The following AKAP12 variants were observed in gnomAD, a reference collection of about 807,000 sequenced individuals.
The protein encoded by AKAP12 is A-kinase anchoring protein 12, also known as A-kinase anchor protein 12.
In AKAP12, 32 loss-of-function variants were observed where a neutral mutation model predicts 79.9. That is an observed-to-expected ratio of 0.40 (90% CI 0.30 to 0.54). The LOEUF (loss-of-function observed/expected upper bound fraction) is 0.54. AKAP12 is among the 20% of genes least tolerant of loss of function. The pLI is 0.48. For missense variants in AKAP12, 2,074 were observed against 2,177.0 expected, an observed-to-expected ratio of 0.95 and a Z score of 0.94; for synonymous variants, 808 against 857.0, an observed-to-expected ratio of 0.94 and a Z score of 1.00.
chr6:151,337,524 A>AAAAAAAAAAAAAGAAAG (rs535027217), intron 3 of AKAP12, among the ~76,000 whole-genome samples: 2 of 129,806 alleles, frequency 1.5e-5, no homozygotes, highest in African/African-American at 3.4e-5. Context: ...AAAAAAAAAA[A>AAAAAAAAAAAAAGAAAG]AAAGAAAGAA....
In AKAP12 at chr6:151,256,755, T is replaced by A. The variant is rs184810757; in HGVS notation, c.162+16031T>A. 6.0e-3 allele frequency among the ~76,000 whole-genome samples: 910 copies of A among 152,014 alleles called. 11 individuals are homozygous for A. Among genetic ancestry groups the A allele is most frequent in the African/African-American group, 0.021 (867 of 41,456 alleles). ...ACCTCCACCTCCCAGGTTCAAGAGA[T>A]TCTCCTGCCTCATCCTTTCAAGTAT... On this transcript the variant is annotated intron_variant, in intron 2 of 4. Transcript: ENST00000402676.
At position 151,240,740 on chromosome 6, in the gene AKAP12, G is replaced by C. The variant is rs1215800086; in HGVS notation, c.162+16G>C. 1.0e-6 allele frequency: 1 copy of C among 978,018 alleles called. No individual in the cohort carries two copies. Among genetic ancestry groups the C allele is most frequent in the Non-Finnish European group, 1.2e-6 (1 of 802,654 alleles). The allele number at this position is 978,018 out of a possible 1,614,324, so 60.6% of individuals were successfully genotyped here. A position where few individuals can be genotyped will look rare whatever the true frequency, so the allele number is the denominator to read the frequency against. ...CGCCACCAAGGTACGGGCGTGCCGG[G>C]CCACCTGCGCCGGGAGGCGCGGGTC... On this transcript the variant is annotated intron_variant, in intron 2 of 4. Transcript: ENST00000402676.
chr6:151,300,079 G>A (rs565014610), intron 2 of AKAP12, among the ~76,000 whole-genome samples: 81 of 152,118 alleles, frequency 5.3e-4, no homozygotes, highest in African/African-American at 1.8e-3. Context: ...TTTGTACTCT[G>A]GTTTTTATTT....
chr6:151,310,620 A>G (rs1020578894), intron 3 of AKAP12, among the ~76,000 whole-genome samples: 5 of 152,156 alleles, frequency 3.3e-5, no homozygotes, highest in African/African-American at 9.7e-5. Context: ...GTGAAATTCA[A>G]TCTTAGTATC....
At chr6:151,354,564 G>C (rs1414889540) in intron 4 of AKAP12, among the ~76,000 whole-genome samples, 1 of 150,454 alleles carries the variant, frequency 6.6e-6, no homozygotes, top group African/African-American at 2.4e-5. Context: ...TAGTAGAGAT[G>C]GGTTTTCACC....
At chr6:151,291,620 G>A (rs6915745) in intron 2 of AKAP12, among the ~76,000 whole-genome samples, 5,849 of 152,202 alleles carry the variant, frequency 0.038, 376 homozygotes, top group African/African-American at 0.13. Flanking sequence ...CGTGGCGCAG[G>A]GAGCTAAGCA....
chr6:151,245,357 T>C (rs1582828713), intron 2 of AKAP12, among the ~76,000 whole-genome samples: 1 of 151,338 alleles, frequency 6.6e-6, no homozygotes, highest in African/African-American at 2.4e-5. Flanking sequence ...AACCGAATTC[T>C]TTTTTTTGGC....
At chr6:151,326,666 T>C (rs1777535858) in intron 3 of AKAP12, among the ~76,000 whole-genome samples, 1 of 152,198 alleles carries the variant, frequency 6.6e-6, no homozygotes, top group Non-Finnish European at 1.5e-5. Context: ...GATAGTCTTA[T>C]GCCATTGTAC....
Position 151,293,941 on chromosome 6 carries a change from G to A in AKAP12, c.163-11806G>A, listed in dbSNP as rs546637059. Among the ~76,000 whole-genome samples the A allele has an allele frequency of 2.6e-5, 4 of 151,850 alleles. No homozygotes were observed. The South Asian group carries it at 6.3e-4, about 24-fold the overall frequency. On this transcript the variant is annotated intron_variant, in intron 2 of 4. Coordinates refer to ENST00000402676, the MANE Select transcript of AKAP12 (RefSeq NM_005100.4). ...TTTAAGTTACCTTAGGGGAAAAAAA[G>A]AATAAAATTCTTCAGGTTCAACCTT... is the stretch of plus-strand genomic sequence containing the variant.
At chr6:151,329,672 A>C (rs1777619244) in intron 3 of AKAP12, among the ~76,000 whole-genome samples, 1 of 152,204 alleles carries the variant, frequency 6.6e-6, no homozygotes, top group Non-Finnish European at 1.5e-5. Context: ...ATGGAGACAG[A>C]TTCCTTGTCA....
chr6:151,320,230 C>A (rs960441926), intron 3 of AKAP12, among the ~76,000 whole-genome samples: 2 of 152,004 alleles, frequency 1.3e-5, no homozygotes, highest in Non-Finnish European at 2.9e-5. Flanking sequence ...GTCCCGCCTC[C>A]AGACTGCCCA....
chr6:151,287,301 C>T (rs767389299), intron 2 of AKAP12, among the ~76,000 whole-genome samples: 7 of 151,786 alleles, frequency 4.6e-5, no homozygotes, highest in Non-Finnish European at 1.0e-4. Context: ...GCTCTGTTGC[C>T]CAGGCTGGAG....
intron 2 of AKAP12, among the ~76,000 whole-genome samples, chr6:151,252,442 T>C (rs1797198891): frequency 6.6e-6 from 1 of 152,000 alleles, no homozygotes; most frequent in Non-Finnish European, 1.5e-5. Flanking sequence ...GTGATCCACC[T>C]GTTTTGGCCT....
intron 2 of AKAP12, among the ~76,000 whole-genome samples, chr6:151,295,168 A>G (rs1420982968): frequency 6.6e-6 from 1 of 152,204 alleles, no homozygotes; most frequent in Non-Finnish European, 1.5e-5. Flanking sequence ...AACATTCCTG[A>G]TAAAATGAGT....
chr6:151,273,839 C>T (rs1776238814), intron 2 of AKAP12, among the ~76,000 whole-genome samples: 1 of 151,854 alleles, frequency 6.6e-6, no homozygotes, highest in Non-Finnish European at 1.5e-5. Flanking sequence ...ACCAGCCTGA[C>T]CAACATGGTG....
intron 2 of AKAP12, among the ~76,000 whole-genome samples, chr6:151,249,514 C>T (rs1797135708): frequency 1.3e-5 from 2 of 152,152 alleles, no homozygotes; most frequent in African/African-American, 4.8e-5. Context: ...TTCTGTACTC[C>T]AGGAACTGTG....
chr6:151,273,764 T>C (rs1776236940), intron 2 of AKAP12, among the ~76,000 whole-genome samples: 1 of 152,124 alleles, frequency 6.6e-6, no homozygotes, highest in African/African-American at 2.4e-5. Context: ...GCGCAGTGGC[T>C]CACGCCTGTA....
rs916934180 is a variant in AKAP12 at position 151,350,868 on chromosome 6, C to A, written c.2477C>A (p.Ala826Asp). Residue 826 changes from alanine (A) to aspartate (D), a missense_variant, in exon 4 of 5, where the codon GCC (alanine) becomes GAC (aspartate). Ala to Asp is a moderately radical substitution (Grantham distance 126). Transcript: ENST00000402676. The surrounding 1 kb of genome is among the most constrained non-coding windows in gnomAD (Gnocchi z 4.8). Reference sequence around the variant, plus strand: ...AGGCCAGATGGGAAACAAGAACAAGCCCCTGTTGAAGACGCAGGGCCAACA... The same window carrying A: ...AGGCCAGATGGGAAACAAGAACAAGACCCTGTTGAAGACGCAGGGCCAACA... ...KKRPDGKQEQ[A>D]PVEDAGPTGA... The A allele has an allele frequency of 3.7e-6, 6 of 1,614,076 alleles. No homozygotes were observed. Among genetic ancestry groups the A allele is most frequent in the Non-Finnish European group, 5.1e-6 (6 of 1,180,008 alleles).
At chr6:151,283,641 C>T (rs1776447599) in intron 2 of AKAP12, among the ~76,000 whole-genome samples, 1 of 152,182 alleles carries the variant, frequency 6.6e-6, no homozygotes, top group African/African-American at 2.4e-5. Flanking sequence ...GGTGAAGGAA[C>T]CTTACAGGTA....
Sources: allele counts gnomAD v4.1 joint callset (sites outside exome capture counted in the v4.1 genomes callset), GRCh38; gene constraint gnomAD v4.1.1; non-coding constraint Gnocchi (gnomAD v3.1); transcripts MANE v1.5; gene names NCBI Gene and HGNC (gene_info 2026-07-23, HGNC 2026-07-21).